The following GALNT2 variants were observed in gnomAD, a reference collection of about 807,000 sequenced individuals.
The protein encoded by GALNT2 is polypeptide N-acetylgalactosaminyltransferase 2, also known as UDP-GalNAc:polypeptide N-acetylgalactosaminyltransferase 2.
A neutral mutation model predicts 81.4 loss-of-function variants in GALNT2; 31 were observed. The observed-to-expected ratio is 0.38, with a 90% CI of 0.29 to 0.51. The LOEUF is 0.51. GALNT2 is among the 20% of genes least tolerant of loss of function. GALNT2 has a pLI of 0.87. For synonymous variants in GALNT2, 303 were observed against 287.4 expected (o/e 1.05, Z -0.55); for missense variants, 629 against 765.7 (o/e 0.82, Z 2.11).
intron 1 of GALNT2, among the ~76,000 whole-genome samples, chr1:230,161,916 C>T (rs1456904905): frequency 1.3e-5 from 2 of 152,192 alleles, no homozygotes; most frequent in East Asian, 1.9e-4. Context: ...TCTGCAACCA[C>T]CATGTTCCAT....
intron 1 of GALNT2, among the ~76,000 whole-genome samples, chr1:230,089,320 CGT>C (rs147002152): frequency 3.3e-5 from 5 of 150,518 alleles, no homozygotes; most frequent in Admixed American, 6.6e-5. Flanking sequence ...CTGTTTTTTG[CGT>C]GTGTGTGTGT....
At chr1:230,057,977 G>T (rs984375511), upstream of GALNT2, 3 of 455,080 alleles carry the variant, frequency 6.6e-6, no homozygotes, top group Non-Finnish European at 8.8e-6. Context: ...GGGAGGAAAG[G>T]GCTCTGATAC....
chr1:230,265,381 G>A lies in GALNT2; in HGVS notation c.1440+14G>A. The A allele has an allele frequency of 6.2e-7, 1 of 1,614,192 alleles. No individual in the cohort carries two copies. Among genetic ancestry groups the A allele is most frequent in the Non-Finnish European group, 8.5e-7 (1 of 1,180,034 alleles). ...GGGGGAAACCAGGTATGTGCATGGG[G>A]AAGCCAGGTCACCTGCAGGCCCAGA... On this transcript the variant is annotated intron_variant, in intron 14 of 15. Coordinates refer to ENST00000366672, the MANE Select transcript of GALNT2 (RefSeq NM_004481.5).
chr1:230,213,213 A>G (rs1409998418), intron 3 of GALNT2, among the ~76,000 whole-genome samples: 1 of 152,332 alleles, frequency 6.6e-6, no homozygotes, highest in African/African-American at 2.4e-5. Flanking sequence ...CTTTGTTGTC[A>G]AGAAACTGTA....
upstream of GALNT2, chr1:230,067,159 G>A (rs1009712959): frequency 2.3e-6 from 1 of 431,654 alleles, no homozygotes; most frequent in Non-Finnish European, 3.4e-6. Context: ...CCGCGCGGGA[G>A]GAGGAGCCGC....
intron 6 of GALNT2, among the ~76,000 whole-genome samples, chr1:230,242,432 A>T (rs556272644): frequency 6.6e-6 from 1 of 152,344 alleles, no homozygotes; most frequent in East Asian, 1.9e-4. Context: ...CTCACCGGTT[A>T]TGAATAGTTG....
At chr1:230,131,976 A>G (rs1477787411) in intron 1 of GALNT2, among the ~76,000 whole-genome samples, 4 of 152,156 alleles carry the variant, frequency 2.6e-5, no homozygotes, top group Non-Finnish European at 5.9e-5. Context: ...CAGCTGACCA[A>G]TCGTTACCTC....
In GALNT2 at chr1:230,262,444, G is replaced by A. The variant is rs1022350746; in HGVS notation, c.1137-129G>A. 3.3e-5 allele frequency: 25 copies of A among 747,044 alleles called. No individual in the cohort carries two copies. In the East Asian group the frequency reaches 3.8e-4, roughly 11 times the overall value. The allele number at this position is 747,044 out of a possible 1,614,324, so 46.3% of individuals were successfully genotyped here. A position where few individuals can be genotyped will look rare whatever the true frequency, so the allele number is the denominator to read the frequency against. On this transcript the variant is annotated intron_variant, in intron 11 of 15. Transcript: ENST00000366672. ...GACAGCCCACCCTCTGCTGTGTGCC[G>A]TGATCCCAGCTGGAGCTGCTGCACA...
intron 1 of GALNT2, among the ~76,000 whole-genome samples, chr1:230,111,465 G>A (rs1660703408): frequency 1.3e-5 from 2 of 152,236 alleles, no homozygotes; most frequent in Non-Finnish European, 2.9e-5. Flanking sequence ...AGAAGGCTCT[G>A]CTCAATGAGA....
chr1:230,115,883 A>G (rs993935129), intron 1 of GALNT2, among the ~76,000 whole-genome samples: 9 of 152,226 alleles, frequency 5.9e-5, no homozygotes, highest in African/African-American at 2.4e-5. Context: ...AATAGATTCC[A>G]TCTCAGGAAA....
At chr1:230,232,962 C>G (rs1340353881) in intron 3 of GALNT2, among the ~76,000 whole-genome samples, 1 of 152,136 alleles carries the variant, frequency 6.6e-6, no homozygotes, top group African/African-American at 2.4e-5. Context: ...AAAACAATAA[C>G]TATAATAAAA....
At chr1:230,236,605 C>T in intron 5 of GALNT2, 55 bp from the exon 6 acceptor site, 1 of 1,557,244 alleles carries the variant, frequency 6.4e-7, no homozygotes, top group South Asian at 1.2e-5. Context: ...TGGTTGAATG[C>T]AAAGCCCTTT....
intron 7 of GALNT2, among the ~76,000 whole-genome samples, chr1:230,245,359 G>A (rs995857915): frequency 1.8e-4 from 27 of 152,054 alleles, no homozygotes; most frequent in Non-Finnish European, 3.8e-4. Context: ...AGCTGCTTGG[G>A]AGGCTGAGGC....
intron 2 of GALNT2, among the ~76,000 whole-genome samples, chr1:230,183,505 G>A (rs770384782): frequency 3.3e-5 from 5 of 152,052 alleles, no homozygotes; most frequent in Non-Finnish European, 5.9e-5. Context: ...CACAGGTAGT[G>A]CACGTATCTT....
At chr1:230,120,185 G>A (rs1017334853) in intron 1 of GALNT2, among the ~76,000 whole-genome samples, 5 of 152,122 alleles carry the variant, frequency 3.3e-5, no homozygotes, top group African/African-American at 4.8e-5. Context: ...GTGAGTGGGC[G>A]GTGTTAAAGG....
intron 1 of GALNT2, among the ~76,000 whole-genome samples, chr1:230,081,412 G>A (rs890169265): frequency 6.6e-6 from 1 of 152,000 alleles, no homozygotes; most frequent in Non-Finnish European, 1.5e-5. Flanking sequence ...TTTTAAGTGC[G>A]TGCTGTTTAA....
At chr1:230,157,862 G>C (rs996633820) in intron 1 of GALNT2, among the ~76,000 whole-genome samples, 1 of 152,218 alleles carries the variant, frequency 6.6e-6, no homozygotes, top group South Asian at 2.1e-4. Context: ...AGTTTTGGAG[G>C]ATGGTGGCAC....
chr1:230,262,007 CAA>C (rs201169604), intron 11 of GALNT2: 24 of 136,960 alleles, frequency 1.8e-4, no homozygotes, highest in Admixed American at 2.2e-4. Flanking sequence ...GAGACTCCAT[CAA>C]AAAAAAAAAA....
At chr1:230,185,060 G>T (rs1663279407) in intron 2 of GALNT2, among the ~76,000 whole-genome samples, 1 of 152,000 alleles carries the variant, frequency 6.6e-6, no homozygotes, top group Non-Finnish European at 1.5e-5. Flanking sequence ...CAGTGTTTTT[G>T]ATCTCTAGCA....
Sources: allele counts gnomAD v4.1 joint callset (sites outside exome capture counted in the v4.1 genomes callset), GRCh38; gene constraint gnomAD v4.1.1; transcripts MANE v1.5; gene names NCBI Gene and HGNC (gene_info 2026-07-23, HGNC 2026-07-21).